FUS: variants seen among roughly 807,000 people sequenced by gnomAD.
FUS encodes RNA-binding protein FUS.
Under a neutral mutation model 82.7 loss-of-function variants are expected in FUS, and 5 were observed. That is an observed-to-expected ratio of 0.06 (90% CI 0.03 to 0.13). FUS has a LOEUF of 0.13. FUS is among the 10% of genes least tolerant of loss of function. FUS has a pLI of 1.00. For synonymous variants in FUS, 281 were observed against 247.4 expected, an observed-to-expected ratio of 1.14 and a Z score of -1.27; for missense variants, 512 against 707.8, an observed-to-expected ratio of 0.72 and a Z score of 3.14.
At chr16:31,194,533 T>G (rs1346404414), downstream of FUS, 1 of 499,094 alleles carries the variant, frequency 2.0e-6, no homozygotes, top group Non-Finnish European at 3.9e-6. Flanking sequence ...AAAACTGCTC[T>G]GGGCTCAAGT....
downstream of FUS, chr16:31,194,073 C>T (rs911054030): frequency 3.7e-6 from 2 of 534,158 alleles, no homozygotes; most frequent in African/African-American, 3.7e-5. Flanking sequence ...TGCTGTAGGT[C>T]TGTTTGTCCC....
At chr16:31,187,082 A>G in intron 7 of FUS, 3 of 582,184 alleles carry the variant, frequency 5.2e-6, no homozygotes, top group East Asian at 2.9e-5. Flanking sequence ...AGAGGGGTCT[A>G]GTAGGCCTTG....
downstream of FUS, chr16:31,191,689 C>T: frequency 1.5e-6 from 1 of 686,192 alleles, no homozygotes; most frequent in South Asian, 1.5e-5. Flanking sequence ...TTCAGATTAC[C>T]CTGCCCAGCA....
chr16:31,194,442 T>C, downstream of FUS: 1 of 506,502 alleles, frequency 2.0e-6, no homozygotes, highest in Non-Finnish European at 3.9e-6. Context: ...TACAGGCACC[T>C]GCCACCATGA....
At chr16:31,181,874 CTG>C (rs1185765751) in intron 1 of FUS, among the ~76,000 whole-genome samples, 19 of 152,328 alleles carry the variant, frequency 1.2e-4, no homozygotes, top group Middle Eastern at 3.4e-3. Context: ...TTCTGGGACT[CTG>C]TAGAAACTTG....
At chr16:31,193,864 G>T (rs1471373224), downstream of FUS, 1 of 526,896 alleles carries the variant, frequency 1.9e-6, no homozygotes, top group East Asian at 4.0e-5. Context: ...TGCCCAGGCT[G>T]GTCTTGAACT....
Position 31,186,856 on chromosome 16 carries a change from A to G in FUS, c.799+20A>G. 4.4e-6 allele frequency: 7 copies of G among 1,608,926 alleles called. No individual in the cohort carries two copies. Among genetic ancestry groups the G allele is most frequent in the Non-Finnish European group, 6.0e-6 (7 of 1,175,202 alleles). ...TTGGTGGTAAGTGAACAGAGTTTCC[A>G]AAATTCCCAACTCCCAGCAATGCTT... On this transcript the variant is annotated intron_variant, in intron 7 of 14. Coordinates refer to ENST00000254108, the MANE Select transcript of FUS (RefSeq NM_004960.4).
upstream of FUS, chr16:31,180,128 G>A (rs1194514170): frequency 3.2e-6 from 5 of 1,558,858 alleles, no homozygotes; most frequent in East Asian, 7.1e-5. Context: ...TTCGACGCAG[G>A]AGGCGGGGCT....
intron 10 of FUS, 35 bp from the exon 11 acceptor site, chr16:31,190,005 A>C: frequency 1.3e-6 from 2 of 1,587,462 alleles, no homozygotes; most frequent in Middle Eastern, 1.7e-4. Flanking sequence ...TGTGTCTTGC[A>C]TTTAAAGTCT....
downstream of FUS, chr16:31,193,724 T>A: frequency 1.9e-6 from 1 of 531,680 alleles, no homozygotes; most frequent in Non-Finnish European, 3.6e-6. Flanking sequence ...AGAACATTGG[T>A]GCCTCTCAAG....
At chr16:31,193,800 G>T (rs1444090603), downstream of FUS, 2 of 515,752 alleles carry the variant, frequency 3.9e-6, no homozygotes, top group Non-Finnish European at 7.5e-6. Context: ...CCACACCTGG[G>T]TAATTTTTTT....
intron 3 of FUS, 114 bp downstream of exon 3, chr16:31,182,778 G>A (rs976548213): frequency 1.0e-5 from 13 of 1,274,622 alleles, no homozygotes; most frequent in Admixed American, 5.1e-5. Context: ...GTGCAGTGGT[G>A]CTGTCTCAGC....
downstream of FUS, chr16:31,192,581 GAC>G (rs1211904015): frequency 0.014 from 7,027 of 494,230 alleles, 274 homozygotes; most frequent in African/African-American, 0.098. Context: ...TATTTTTAGA[GAC>G]AGAGTCTTGC....
intron 6 of FUS, chr16:31,185,676 A>C (rs2079258882): frequency 2.2e-6 from 1 of 450,130 alleles, no homozygotes; most frequent in East Asian, 4.8e-5. Flanking sequence ...CTTGATTTGC[A>C]CTAATTTGAC....
chr16:31,188,269 C>G lies in FUS; in HGVS notation c.800-56C>G. On this transcript the variant is annotated intron_variant, in intron 7 of 14. Transcript: ENST00000254108. ...TCCGTTTTTTCCTGTTGACTAACGG[C>G]TCATCTTTTCCTTGTTTTTGTTTTT... The G allele has an allele frequency of 1.9e-6, 3 of 1,580,874 alleles. No homozygotes were observed. The South Asian group carries it at 3.4e-5, about 18-fold the overall frequency.
At chr16:31,194,293 A>C (rs772220471), downstream of FUS, 1 of 526,414 alleles carries the variant, frequency 1.9e-6, no homozygotes, top group Non-Finnish European at 3.7e-6. Flanking sequence ...ATCCTTTTTA[A>C]ATTTTTTTTT....
intron 1 of FUS, among the ~76,000 whole-genome samples, chr16:31,180,891 G>A (rs1272718477): frequency 6.6e-6 from 1 of 151,810 alleles, no homozygotes; most frequent in African/African-American, 2.4e-5. Context: ...GGGACGGCCC[G>A]AGAGTTTTTC....
intron 1 of FUS, 104 bp from the exon 2 acceptor site, chr16:31,182,294 G>T: frequency 2.2e-6 from 3 of 1,375,768 alleles, no homozygotes; most frequent in Non-Finnish European, 3.1e-6. Flanking sequence ...CCTGGCCTAC[G>T]TGGTCCTTTT....
At chr16:31,188,282 T>G in intron 7 of FUS, 43 bp from the exon 8 acceptor site, 1 of 1,602,136 alleles carries the variant, frequency 6.2e-7, no homozygotes, top group Non-Finnish European at 8.5e-7. Flanking sequence ...ATCTTTTCCT[T>G]GTTTTTGTTT....
Sources: allele counts gnomAD v4.1 joint callset (sites outside exome capture counted in the v4.1 genomes callset), GRCh38; gene constraint gnomAD v4.1.1; transcripts MANE v1.5; gene names NCBI Gene and HGNC (gene_info 2026-07-23, HGNC 2026-07-21).